TTLL1: variants seen among roughly 807,000 people sequenced by gnomAD.
The protein encoded by TTLL1 is TTL family tubulin polyglutamylase complex subunit L1.
A neutral mutation model predicts 47.8 loss-of-function variants in TTLL1; 33 were observed. The ratio of observed to expected loss-of-function variants is 0.69; its 90% CI spans 0.52 to 0.92. TTLL1 has a LOEUF of 0.92. Among genes scored for constraint, TTLL1 ranks in the 40% least tolerant of loss-of-function variants. The pLI is 0.00. For synonymous variants in TTLL1, 225 were observed against 214.1 expected, an observed-to-expected ratio of 1.05 and a Z score of -0.45; for missense variants, 488 against 547.5, an observed-to-expected ratio of 0.89 and a Z score of 1.08.
intron 9 of TTLL1, 87 bp downstream of exon 9, chr22:43,051,714 C>A (rs191564577): frequency 8.0e-7 from 1 of 1,254,564 alleles, no homozygotes; most frequent in Non-Finnish European, 1.2e-6. Flanking sequence ...ACATCTGGGG[C>A]CTGGGGGACT....
In TTLL1 at chr22:43,039,743, G is replaced by A; in HGVS notation, c.*33C>T. 6.4e-7 allele frequency: 1 copy of A among 1,555,616 alleles called. No individual in the cohort carries two copies. ...TAGGGCTTCAGCAGGGGCCCAGGTG[G>A]AGTGAGTAGTTTTGATAAGGTCCAG... is the stretch of plus-strand genomic sequence containing the variant. On this transcript the variant is annotated 3_prime_UTR_variant, in exon 11 of 11. Coordinates refer to ENST00000266254, the MANE Select transcript of TTLL1 (RefSeq NM_012263.5).
At position 43,086,298 on chromosome 22, in the gene TTLL1, C is replaced by G. The variant is rs114840810; in HGVS notation, c.-90+2979G>C. 2.3e-3 allele frequency among the ~76,000 whole-genome samples: 355 copies of G among 152,288 alleles called. 2 individuals carry two copies. The highest frequency in any genetic ancestry group is 8.3e-3 in the African/African-American group (344 of 41,550). On this transcript the variant is annotated intron_variant, in intron 1 of 10. Coordinates refer to ENST00000266254, the MANE Select transcript of TTLL1 (RefSeq NM_012263.5). ...TATTGACCTTTTATGTTGAATGCAG[C>G]TCACAATTGGAGTTGGGGCTGTCAC...
chr22:43,077,918 G>A (rs913620938), intron 2 of TTLL1, among the ~76,000 whole-genome samples: 8 of 151,794 alleles, frequency 5.3e-5, no homozygotes, highest in African/African-American at 1.9e-4. Context: ...ACCAGCCTGG[G>A]CAACATGGCA....
chr22:43,050,922 G>C (rs1926573909), intron 9 of TTLL1, among the ~76,000 whole-genome samples: 1 of 152,188 alleles, frequency 6.6e-6, no homozygotes, highest in South Asian at 2.1e-4. Context: ...GAGTTGCCTG[G>C]AAAATGCCAC....
intron 9 of TTLL1, among the ~76,000 whole-genome samples, chr22:43,050,331 G>A (rs550903939): frequency 2.1e-4 from 32 of 151,100 alleles, no homozygotes; most frequent in Non-Finnish European, 7.4e-5. Context: ...CAGGAGAATC[G>A]CTTAAACCCG....
intron 1 of TTLL1, among the ~76,000 whole-genome samples, chr22:43,086,200 T>C (rs914642880): frequency 1.3e-5 from 2 of 152,212 alleles, no homozygotes; most frequent in African/African-American, 4.8e-5. Flanking sequence ...TCACGTGAAT[T>C]GATGCATCTG....
chr22:43,068,558 C>T lies in TTLL1; in HGVS notation c.355G>A (p.Asp119Asn). 1 of 1,546,652 alleles carries T rather than the reference C, an allele frequency of 6.5e-7. No individual in the cohort carries two copies. The highest frequency in any genetic ancestry group is 8.8e-7 in the Non-Finnish European group (1 of 1,133,212). ...FVPVTYMLPA[D>N]YNLFVEEFRK... ...AACTCCTCTACAAACAGGTTGTAGT[C>T]AGCGGGCAGCATATAGGTGACTGGA... The change falls in exon 5 of 11, where the codon GAC (aspartate) becomes AAC (asparagine). Residue 119 changes from aspartate (D) to asparagine (N), a missense_variant. Transcript: ENST00000266254.
chr22:43,071,687 G>A (rs969177312), intron 3 of TTLL1, among the ~76,000 whole-genome samples: 6 of 152,256 alleles, frequency 3.9e-5, no homozygotes, highest in African/African-American at 4.8e-5. Context: ...TAGGATTGCA[G>A]GCGTGAGCCA....
chr22:43,078,867 G>A (rs5759144), intron 2 of TTLL1, among the ~76,000 whole-genome samples: 77 of 136,880 alleles, frequency 5.6e-4, no homozygotes, highest in East Asian at 3.0e-3. Flanking sequence ...CCACAGACAC[G>A]GGGACCACGG....
At chr22:43,073,664 T>C (rs1928283691) in intron 3 of TTLL1, among the ~76,000 whole-genome samples, 1 of 151,912 alleles carries the variant, frequency 6.6e-6, no homozygotes, top group Non-Finnish European at 1.5e-5. Flanking sequence ...CCCATCATAA[T>C]TATTTTAACG....
At chr22:43,087,039 A>T (rs1929269430) in intron 1 of TTLL1, among the ~76,000 whole-genome samples, 1 of 152,046 alleles carries the variant, frequency 6.6e-6, no homozygotes, top group African/African-American at 2.4e-5. Flanking sequence ...TCAGCTCCTG[A>T]CACCCCACAG....
chr22:43,056,772 G>C (rs1277420082), intron 8 of TTLL1, among the ~76,000 whole-genome samples: 2 of 151,842 alleles, frequency 1.3e-5, no homozygotes, highest in Admixed American at 1.3e-4. Flanking sequence ...GTGACAGAGA[G>C]AGACTCCATC....
chr22:43,047,884 C>G (rs1287925563), intron 9 of TTLL1, among the ~76,000 whole-genome samples: 1 of 152,194 alleles, frequency 6.6e-6, no homozygotes, highest in African/African-American at 2.4e-5. Flanking sequence ...TTCTCCCAGT[C>G]AGACTGCCTG....
chr22:43,064,381 C>G (rs752822232), intron 5 of TTLL1, 57 bp from the exon 6 acceptor site: 15 of 1,560,644 alleles, frequency 9.6e-6, no homozygotes, highest in Non-Finnish European at 1.3e-5. Flanking sequence ...AACGAAGACA[C>G]AATCCAAGAA....
chr22:43,062,499 A>AAAAAAAAG (rs553010365), intron 7 of TTLL1, among the ~76,000 whole-genome samples: 2 of 150,102 alleles, frequency 1.3e-5, no homozygotes, highest in Admixed American at 6.8e-5. Flanking sequence ...CTTAAAAAAA[A>AAAAAAAAG]AAAAGAAAAG....
At chr22:43,046,948 G>A (rs145267441) in intron 9 of TTLL1, among the ~76,000 whole-genome samples, 2,026 of 152,260 alleles carry the variant, frequency 0.013, 61 homozygotes, top group African/African-American at 0.047. Context: ...TGGTATTACA[G>A]GCGTGAGCCA....
At chr22:43,045,124 G>A (rs1444201172) in intron 10 of TTLL1, among the ~76,000 whole-genome samples, 1 of 152,120 alleles carries the variant, frequency 6.6e-6, no homozygotes, top group Non-Finnish European at 1.5e-5. Flanking sequence ...GCCTCCTGAA[G>A]TGCTGGGATT....
Position 43,039,750 on chromosome 22 carries a change from T to G in TTLL1, c.*26A>C. 6.4e-7 allele frequency: 1 copy of G among 1,561,926 alleles called. No individual in the cohort carries two copies. Among genetic ancestry groups the G allele is most frequent in the Non-Finnish European group, 8.7e-7 (1 of 1,149,886 alleles). On this transcript the variant is annotated 3_prime_UTR_variant, in exon 11 of 11. Coordinates refer to ENST00000266254, the MANE Select transcript of TTLL1 (RefSeq NM_012263.5). ...TCAGCAGGGGCCCAGGTGGAGTGAG[T>G]AGTTTTGATAAGGTCCAGGTGGGAC...
chr22:43,067,282 A>C (rs1397721068), intron 5 of TTLL1, among the ~76,000 whole-genome samples: 1 of 152,202 alleles, frequency 6.6e-6, no homozygotes, highest in Non-Finnish European at 1.5e-5. Context: ...AACTCGTTCC[A>C]TCCCCATCAC....
Sources: gnomAD v4.1 joint callset for allele counts (sites outside exome capture counted in the v4.1 genomes callset) on GRCh38, gnomAD v4.1.1 for gene constraint, MANE v1.5 for transcripts, NCBI Gene and HGNC (gene_info 2026-07-23, HGNC 2026-07-21) for gene names.